GRIP1: variants seen among roughly 807,000 people sequenced by gnomAD.
GRIP1 encodes glutamate receptor interacting protein 1.
Under a neutral mutation model 129.9 loss-of-function variants are expected in GRIP1, and 45 were observed. The observed-to-expected ratio is 0.35, with a 90% CI of 0.27 to 0.44. The LOEUF (loss-of-function observed/expected upper bound fraction) is 0.44, where lower values mean the gene tolerates loss of function less well. Among genes scored for constraint, GRIP1 ranks in the 20% least tolerant of loss-of-function variants. The probability of loss-of-function intolerance (pLI) is 1.00; values close to 1 mark genes in which losing one functional copy is unlikely to be tolerated. For missense variants in GRIP1, 1,196 were observed against 1,396.8 expected, an observed-to-expected ratio of 0.86 and a Z score of 2.29; for synonymous variants, 530 against 520.8, an observed-to-expected ratio of 1.02 and a Z score of -0.24.
At chr12:66,758,990 G>A (rs148965416) in intron 1 of GRIP1, among the ~76,000 whole-genome samples, 40 of 152,300 alleles carry the variant, frequency 2.6e-4, no homozygotes, top group African/African-American at 8.4e-4. Flanking sequence ...TCGTTCTGGG[G>A]TCTGGAGGAC....
chr12:66,749,852 T>C (rs2037070426), intron 1 of GRIP1, among the ~76,000 whole-genome samples: 1 of 152,158 alleles, frequency 6.6e-6, no homozygotes, highest in Non-Finnish European at 1.5e-5. Context: ...CCTGGCTCCC[T>C]GTTATGGTGG....
At chr12:66,798,054 G>C (rs1480119787) in intron 1 of GRIP1, among the ~76,000 whole-genome samples, 1 of 152,144 alleles carries the variant, frequency 6.6e-6, no homozygotes, top group Non-Finnish European at 1.5e-5. Flanking sequence ...GCTCTTCCAA[G>C]GGGAATGAAA....
At chr12:66,901,132 A>G (rs2040837596) in intron 1 of GRIP1, among the ~76,000 whole-genome samples, 1 of 152,230 alleles carries the variant, frequency 6.6e-6, no homozygotes, top group African/African-American at 2.4e-5. Context: ...ACATGGGTTA[A>G]AAGAACAACT....
At chr12:66,579,445 G>A (rs2063283957) in intron 2 of GRIP1, among the ~76,000 whole-genome samples, 1 of 152,190 alleles carries the variant, frequency 6.6e-6, no homozygotes, top group Non-Finnish European at 1.5e-5. Flanking sequence ...GAAGGCTTCA[G>A]ACGATCAAAC....
intron 1 of GRIP1, among the ~76,000 whole-genome samples, chr12:66,944,761 T>C (rs972612679): frequency 2.0e-5 from 3 of 152,150 alleles, no homozygotes; most frequent in Admixed American, 2.0e-4. Context: ...ACCAAAAGTT[T>C]AAAAGGCAAA....
At chr12:66,929,921 T>A (rs1232882696) in intron 1 of GRIP1, among the ~76,000 whole-genome samples, 1 of 152,172 alleles carries the variant, frequency 6.6e-6, no homozygotes, top group Non-Finnish European at 1.5e-5. Context: ...TGACTACATT[T>A]TTCATTATGC....
chr12:66,456,734 C>T (rs883229), intron 9 of GRIP1, among the ~76,000 whole-genome samples: 60,668 of 151,826 alleles, frequency 0.4, 13,171 homozygotes, highest in African/African-American at 0.55. Context: ...CAAATCTTGG[C>T]CAGTTAGTAG....
chr12:66,826,154 G>A (rs1390778563), intron 1 of GRIP1, among the ~76,000 whole-genome samples: 1 of 152,060 alleles, frequency 6.6e-6, no homozygotes, highest in Admixed American at 6.6e-5. Flanking sequence ...TCAGGCAGGG[G>A]ACATGGAAGA....
chr12:66,386,371 C>T (rs966464768), intron 19 of GRIP1, among the ~76,000 whole-genome samples: 4 of 152,226 alleles, frequency 2.6e-5, no homozygotes, highest in South Asian at 2.1e-4. Context: ...CTGTGGCTCA[C>T]GCCTGTAATC....
intron 1 of GRIP1, among the ~76,000 whole-genome samples, chr12:66,866,430 A>G (rs1419655911): frequency 6.6e-6 from 1 of 152,166 alleles, no homozygotes; most frequent in Non-Finnish European, 1.5e-5. Context: ...CTATGATCGC[A>G]CCACTGCACT....
At chr12:67,002,130 T>C (rs2042559927) in intron 1 of GRIP1, among the ~76,000 whole-genome samples, 1 of 152,224 alleles carries the variant, frequency 6.6e-6, no homozygotes, top group Non-Finnish European at 1.5e-5. Context: ...TAAACAATAT[T>C]AGATTCAAAC....
intron 1 of GRIP1, among the ~76,000 whole-genome samples, chr12:66,699,236 G>C (rs1047313676): frequency 6.6e-6 from 1 of 152,168 alleles, no homozygotes; most frequent in Non-Finnish European, 1.5e-5. Context: ...AAGCAAAAAT[G>C]CAGTAAGTTA....
intron 2 of GRIP1, among the ~76,000 whole-genome samples, chr12:66,551,553 G>T (rs2062133967): frequency 6.9e-6 from 1 of 145,048 alleles, no homozygotes. Context: ...ATTTTTGGGT[G>T]TCCTTTTGGC....
intron 16 of GRIP1, among the ~76,000 whole-genome samples, chr12:66,401,501 C>A (rs1256802344): frequency 6.6e-6 from 1 of 151,472 alleles, no homozygotes; most frequent in Non-Finnish European, 1.5e-5. Flanking sequence ...ATCAGTTGAA[C>A]CTGGAAGGCG....
chr12:66,996,086 G>A (rs894822712), intron 1 of GRIP1, among the ~76,000 whole-genome samples: 2 of 152,002 alleles, frequency 1.3e-5, no homozygotes, highest in African/African-American at 4.8e-5. Flanking sequence ...GCTCAGAATA[G>A]GCATATCTAC....
intron 2 of GRIP1, among the ~76,000 whole-genome samples, chr12:66,593,808 C>T (rs1043375609): frequency 2.6e-5 from 4 of 152,108 alleles, no homozygotes; most frequent in African/African-American, 9.7e-5. Context: ...GTGGCTCACA[C>T]CTGTAATCCC....
chr12:66,484,325 G>A (rs1295397795), intron 7 of GRIP1, among the ~76,000 whole-genome samples: 2 of 152,114 alleles, frequency 1.3e-5, no homozygotes, highest in African/African-American at 4.8e-5. Context: ...ATTTCATGAG[G>A]TGACCCATGC....
chr12:66,470,605 G>GA (rs1322069876), intron 7 of GRIP1, among the ~76,000 whole-genome samples: 1 of 152,118 alleles, frequency 6.6e-6, no homozygotes, highest in Non-Finnish European at 1.5e-5. Context: ...GAATCTACCA[G>GA]ACCTGCTCAT....
chr12:66,650,894 G>T (rs552137250), intron 1 of GRIP1, among the ~76,000 whole-genome samples: 1 of 152,196 alleles, frequency 6.6e-6, no homozygotes, highest in South Asian at 2.1e-4. Flanking sequence ...GCATAACCTT[G>T]GGCAAACTAA....
Sources: allele counts gnomAD v4.1 joint callset (sites outside exome capture counted in the v4.1 genomes callset), GRCh38; gene constraint gnomAD v4.1.1; transcripts MANE v1.5; gene names NCBI Gene and HGNC (gene_info 2026-07-23, HGNC 2026-07-21).